ZNF45: variants seen among roughly 807,000 people sequenced by gnomAD.
ZNF45 encodes the protein zinc finger protein 45, also known as BRC1744.
In ZNF45, 4 loss-of-function variants were observed where a neutral mutation model predicts 12.0. The observed-to-expected ratio is 0.33, with a 90% confidence interval of 0.16 to 0.76. The LOEUF is 0.76. Among genes scored for constraint, ZNF45 ranks in the 30% least tolerant of loss-of-function variants. The pLI is 0.60. For missense variants in ZNF45, 700 were observed against 813.0 expected (o/e 0.86, Z 1.69); for synonymous variants, 272 against 279.6 (o/e 0.97, Z 0.27).
rs1568445403 is a variant in ZNF45, at chr19:43,913,629, G to T, written c.1807C>A (p.Gln603Lys). 1 of 1,612,628 alleles carries T rather than the reference G, an allele frequency of 6.2e-7. No homozygotes were observed. Among genetic ancestry groups the T allele is most frequent in the Non-Finnish European group, 8.5e-7 (1 of 1,179,602 alleles). The change falls in exon 10 of 10, where the codon CAG (glutamine) becomes AAG (lysine). Residue 603 changes from glutamine to lysine, a missense_variant. Gln to Lys is a moderately conservative substitution (Grantham distance 53). Coordinates refer to ENST00000269973, the MANE Select transcript of ZNF45 (RefSeq NM_003425.4). The stretch of plus-strand genomic sequence containing the variant: ...GGTCTCTCTCCTGTGTGGACCCTCT[G>T]GTGGGCTTGAAGGTAGGATCTCTGT... ...FRQRSYLQAH[Q>K]RVHTGERPYK...
intron 3 of ZNF45, among the ~76,000 whole-genome samples, chr19:43,927,282 C>A (rs1156680362): frequency 6.6e-6 from 1 of 152,206 alleles, no homozygotes; most frequent in Non-Finnish European, 1.5e-5. Context: ...CCATCCCCAA[C>A]ACCTACTAAG....
intron 6 of ZNF45, among the ~76,000 whole-genome samples, chr19:43,923,319 A>AAT (rs1437045276): frequency 1.3e-5 from 2 of 152,170 alleles, no homozygotes; most frequent in African/African-American, 4.8e-5. Context: ...CTATGGCCCA[A>AAT]AAATAGGTGA....
At chr19:43,930,211 T>C (rs1050757093) in intron 3 of ZNF45, among the ~76,000 whole-genome samples, 3 of 152,110 alleles carry the variant, frequency 2.0e-5, no homozygotes, top group African/African-American at 7.2e-5. Flanking sequence ...AGGTGAACTC[T>C]CTCTCTGAAG....
At chr19:43,919,432 G>A (rs1230446911) in intron 8 of ZNF45, 141 bp downstream of exon 8, 5 of 1,028,868 alleles carry the variant, frequency 4.9e-6, no homozygotes, top group Non-Finnish European at 6.9e-6. Context: ...AGGGGAGAAA[G>A]ACTTTAAAAA....
chr19:43,931,255 C>G (rs1974119530), intron 3 of ZNF45: 1 of 152,158 alleles, frequency 6.6e-6, no homozygotes, highest in Non-Finnish European at 1.5e-5. Flanking sequence ...ACCTTTGAGG[C>G]TGGGCACGGT....
intron 2 of ZNF45, among the ~76,000 whole-genome samples, chr19:43,933,300 C>T (rs990982368): frequency 6.6e-6 from 1 of 152,048 alleles, no homozygotes; most frequent in Non-Finnish European, 1.5e-5. Flanking sequence ...GAAACCCAGT[C>T]TTTACTATAA....
chr19:43,930,795 A>C (rs386729), intron 3 of ZNF45, among the ~76,000 whole-genome samples: 53,785 of 151,864 alleles, frequency 0.35, 9,664 homozygotes, highest in Middle Eastern at 0.43. Flanking sequence ...AGCTACACTG[A>C]AAAAGGTAAG....
At chr19:43,926,749 G>A (rs1158324143) in intron 3 of ZNF45, among the ~76,000 whole-genome samples, 1 of 152,172 alleles carries the variant, frequency 6.6e-6, no homozygotes, top group African/African-American at 2.4e-5. Context: ...CTTAATCTGA[G>A]CCCTGGAGGG....
intron 7 of ZNF45, among the ~76,000 whole-genome samples, chr19:43,920,451 T>C (rs2146911955): frequency 7.1e-6 from 1 of 141,258 alleles, no homozygotes; most frequent in African/African-American, 2.6e-5. Context: ...GTAGGGCATT[T>C]TGCAGCACCC....
intron 3 of ZNF45, 40 bp from the exon 4 acceptor site, chr19:43,925,498 G>A (rs1268170550): frequency 6.6e-6 from 1 of 152,122 alleles, no homozygotes; most frequent in Non-Finnish European, 1.5e-5. Flanking sequence ...CAGATTAAAA[G>A]CTTAGTATTA....
intron 9 of ZNF45, among the ~76,000 whole-genome samples, chr19:43,916,042 C>T (rs1972641056): frequency 1.3e-5 from 2 of 152,282 alleles, no homozygotes; most frequent in Non-Finnish European, 1.5e-5. Flanking sequence ...TGGTCTCAAT[C>T]TCCTGACCTC....
At chr19:43,919,370 T>C (rs1172414313) in intron 8 of ZNF45, among the ~76,000 whole-genome samples, 1 of 152,210 alleles carries the variant, frequency 6.6e-6, no homozygotes, top group Non-Finnish European at 1.5e-5. Flanking sequence ...TAAAAGTGTA[T>C]AGTTGTCATG....
rs1974374993 is a variant in ZNF45 at position 43,934,653 on chromosome 19, T to A, written c.-714A>T. The stretch of plus-strand genomic sequence containing the variant: ...CACCTGTTGAGTGATGCACTCTTTC[T>A]TAAAAAACGGGTCAGGCATAGTCCA... On this transcript the variant is annotated 5_prime_UTR_variant, in exon 2 of 10. The change creates a new upstream start codon in the 5' untranslated region. Transcript: ENST00000269973. 6.6e-6 allele frequency: 1 copy of A among 152,178 alleles called. No homozygotes were observed. Among genetic ancestry groups the A allele is most frequent in the South Asian group, 2.1e-4 (1 of 4,826 alleles). The allele number at this position is 152,178 out of a possible 1,614,324, so 9.4% of individuals were successfully genotyped here.
rs747364386 is a variant in ZNF45 at position 43,914,928 on chromosome 19, C to T, written c.508G>A (p.Val170Met). The T allele has an allele frequency of 6.2e-7, 1 of 1,612,700 alleles. No individual in the cohort carries two copies. The highest frequency in any genetic ancestry group is 2.2e-5 in the East Asian group (1 of 44,826). The change falls in exon 10 of 10, where the codon GTG becomes ATG. Residue 170 changes from valine (V) to methionine (M), a missense_variant. Transcript: ENST00000269973. ...GEKPYKGEHC[V>M]KSFSWSSHLQ... ...TGAGAGCTCCAGCTGAAACTTTTCA[C>T]ACAATGTTCTCCTTTGTAGGGTTTT...
At position 43,913,562 on chromosome 19, in the gene ZNF45, G is replaced by A; in HGVS notation, c.1874C>T (p.Ser625Leu). The A allele has an allele frequency of 6.2e-7, 1 of 1,613,720 alleles. No homozygotes were observed. The highest frequency in any genetic ancestry group is 8.5e-7 in the Non-Finnish European group (1 of 1,179,882). ...AACTCTTTGATGGGCTTGAAGGTAT[G>A]AGCTCCAGCTGAAGACTTTCCCACA... ...EECGKVFSWS[S>L]YLQAHQRVHT... Residue 625 changes from serine to leucine, a missense_variant, in exon 10 of 10, where the codon TCA (serine) becomes TTA (leucine). Physicochemically the swap from Ser to Leu is moderately radical, Grantham distance 145 (BLOSUM62 -2). Coordinates refer to ENST00000269973, the MANE Select transcript of ZNF45 (RefSeq NM_003425.4).
chr19:43,913,397 T>C lies in ZNF45; in HGVS notation c.2039A>G (p.Lys680Arg). Residue 680 changes from lysine (K) to arginine (R), a missense_variant, in exon 10 of 10, where the codon AAA becomes AGA. By Grantham distance (26) the Lys-to-Arg change is conservative (BLOSUM62 2). Coordinates refer to ENST00000269973, the MANE Select transcript of ZNF45 (RefSeq NM_003425.4). ...DFPSSEDSHR[K>R]TR ...ATAGTAAAACATATTTTATCGAGTT[T>C]TCCTGTGTGAATCCTCTGATGAAGG... 6.5e-7 allele frequency: 1 copy of C among 1,537,356 alleles called. No individual in the cohort carries two copies. The highest frequency in any genetic ancestry group is 2.3e-5 in the East Asian group (1 of 44,278).
intron 3 of ZNF45, among the ~76,000 whole-genome samples, chr19:43,931,027 A>G (rs1974102114): frequency 6.6e-6 from 1 of 152,018 alleles, no homozygotes; most frequent in Non-Finnish European, 1.5e-5. Flanking sequence ...GCTAATGGCT[A>G]CACTATTGGA....
chr19:43,926,499 A>C (rs940456403), intron 3 of ZNF45: 1 of 152,252 alleles, frequency 6.6e-6, no homozygotes, highest in African/African-American at 2.4e-5. Context: ...AGCACTAGAC[A>C]GGTGAATTTA....
At position 43,924,313 on chromosome 19, in the gene ZNF45, A is replaced by G. The variant is rs541274154; in HGVS notation, c.-105-3T>C. The G allele has an allele frequency of 6.6e-6, 1 of 152,362 alleles. No homozygotes were observed. Among genetic ancestry groups the G allele is most frequent in the Non-Finnish European group, 1.5e-5 (1 of 68,036 alleles). The allele number at this position is 152,362 out of a possible 1,614,324, so 9.4% of individuals were successfully genotyped here. A position where few individuals can be genotyped will look rare whatever the true frequency, so the allele number is the denominator to read the frequency against. On this transcript the variant is annotated splice_polypyrimidine_tract_variant and splice_region_variant and intron_variant, in intron 5 of 9. Transcript: ENST00000269973. ...TAAACTTCTGTGCCTATGCTCAGCT[A>G]TAAGAAGGGAAATGAAAACAGGATG...
Sources: allele counts gnomAD v4.1 joint callset (sites outside exome capture counted in the v4.1 genomes callset), GRCh38; gene constraint gnomAD v4.1.1; transcripts MANE v1.5; gene names NCBI Gene and HGNC (gene_info 2026-07-23, HGNC 2026-07-21).